FSTL5: variants seen among roughly 807,000 people sequenced by gnomAD.
FSTL5 encodes the protein follistatin like 5.
FSTL5 carries 62 observed loss-of-function variants against 89.1 expected under a neutral mutation model. That is an observed-to-expected ratio of 0.70 (90% CI 0.57 to 0.86). The LOEUF is 0.86. Ranked by LOEUF, FSTL5 falls within the 40% of genes least tolerant of loss-of-function variation. The pLI is 0.00. For synonymous variants in FSTL5, 383 were observed against 346.2 expected, an observed-to-expected ratio of 1.11 and a Z score of -1.18; for missense variants, 1,057 against 1,001.6, an observed-to-expected ratio of 1.06 and a Z score of -0.75.
intron 7 of FSTL5, among the ~76,000 whole-genome samples, chr4:161,643,617 G>C (rs572093190): frequency 6.6e-6 from 1 of 151,992 alleles, no homozygotes; most frequent in Non-Finnish European, 1.5e-5. Context: ...ATTAAACAAC[G>C]ATCATGTATG....
chr4:161,474,334 G>C (rs1257080035), intron 13 of FSTL5, among the ~76,000 whole-genome samples: 1 of 151,978 alleles, frequency 6.6e-6, no homozygotes, highest in Non-Finnish European at 1.5e-5. Context: ...CTTAAATTAT[G>C]TAGAAAACAA....
chr4:161,779,671 C>A (rs1432328408), intron 4 of FSTL5, among the ~76,000 whole-genome samples: 1 of 149,668 alleles, frequency 6.7e-6, no homozygotes, highest in Non-Finnish European at 1.5e-5. Context: ...ATTTTCAGAA[C>A]TCAGTTTTTC....
At chr4:161,794,528 T>C (rs1729571794) in intron 4 of FSTL5, among the ~76,000 whole-genome samples, 1 of 152,176 alleles carries the variant, frequency 6.6e-6, no homozygotes, top group Non-Finnish European at 1.5e-5. Flanking sequence ...ATCAATGAAT[T>C]GCCTCACAGG....
chr4:161,400,123 A>G (rs1731135793), intron 15 of FSTL5, among the ~76,000 whole-genome samples: 1 of 152,078 alleles, frequency 6.6e-6, no homozygotes, highest in African/African-American at 2.4e-5. Context: ...ATTTTTTCAA[A>G]TTGTCCAAAT....
chr4:161,390,918 G>C (rs913735161), intron 15 of FSTL5, among the ~76,000 whole-genome samples: 2 of 152,050 alleles, frequency 1.3e-5, no homozygotes, highest in Non-Finnish European at 2.9e-5. Context: ...GCTGGGAAAG[G>C]ACCAAATGCT....
At chr4:161,851,427 C>T (rs1449116172) in intron 4 of FSTL5, among the ~76,000 whole-genome samples, 1 of 152,094 alleles carries the variant, frequency 6.6e-6, no homozygotes, top group African/African-American at 2.4e-5. Flanking sequence ...ACGACACAAA[C>T]ACAGGTGCAC....
At chr4:161,606,589 T>C (rs951519857) in intron 7 of FSTL5, among the ~76,000 whole-genome samples, 4 of 152,176 alleles carry the variant, frequency 2.6e-5, no homozygotes, top group Admixed American at 2.6e-4. Flanking sequence ...ATTTTTTACC[T>C]TAAGCTGAGA....
intron 4 of FSTL5, among the ~76,000 whole-genome samples, chr4:161,777,951 G>A (rs919712323): frequency 6.6e-6 from 1 of 151,974 alleles, no homozygotes; most frequent in South Asian, 2.1e-4. Context: ...AAAATTGGCC[G>A]GGCACGATGG....
At chr4:161,754,208 T>C (rs979024737) in intron 6 of FSTL5, among the ~76,000 whole-genome samples, 1 of 152,100 alleles carries the variant, frequency 6.6e-6, no homozygotes, top group African/African-American at 2.4e-5. Flanking sequence ...TTAGTGTTAA[T>C]ATGATGTTCA....
intron 12 of FSTL5, among the ~76,000 whole-genome samples, chr4:161,487,961 C>T (rs1408563632): frequency 6.6e-6 from 1 of 151,920 alleles, no homozygotes; most frequent in Non-Finnish European, 1.5e-5. Context: ...AAATATTTAT[C>T]TCTATACACA....
intron 8 of FSTL5, among the ~76,000 whole-genome samples, chr4:161,553,806 G>A (rs930419450): frequency 1.3e-5 from 2 of 151,390 alleles, no homozygotes; most frequent in Non-Finnish European, 3.0e-5. Flanking sequence ...ATAAATTAGT[G>A]CATTTATAGT....
intron 3 of FSTL5, among the ~76,000 whole-genome samples, chr4:161,935,897 G>A (rs1412594458): frequency 1.3e-5 from 2 of 152,162 alleles, no homozygotes; most frequent in African/African-American, 4.8e-5. Context: ...AAAAACAAAA[G>A]CAGGCTAGGT....
intron 5 of FSTL5, among the ~76,000 whole-genome samples, chr4:161,774,415 G>A (rs1741322806): frequency 6.6e-6 from 1 of 152,134 alleles, no homozygotes; most frequent in Non-Finnish European, 1.5e-5. Context: ...CACACAGTTT[G>A]TGGTATTTTC....
chr4:161,472,269 A>G (rs1216980436), intron 13 of FSTL5, among the ~76,000 whole-genome samples: 2 of 151,950 alleles, frequency 1.3e-5, no homozygotes, highest in Non-Finnish European at 1.5e-5. Flanking sequence ...GAGCCACCGC[A>G]CCTGGCCATT....
chr4:161,386,319 C>T lies in FSTL5; in HGVS notation c.1972G>A (p.Gly658Arg), dbSNP rs1356826164. Residue 658 changes from glycine to arginine, a missense_variant, in exon 16 of 16, where the codon GGA becomes AGA. Gly to Arg is a moderately radical substitution (Grantham distance 125, BLOSUM62 -2). This residue lies in a region of FSTL5 where 980 missense variants were observed against 903.2 expected (regional missense o/e 1.08). Transcript: ENST00000306100. Reference sequence around the variant, plus strand: ...TTGCAGCCAATGAAGTAGTAGCCTCCCAAGTGTGTATATGCCAATGACTGA... The same window carrying T: ...TTGCAGCCAATGAAGTAGTAGCCTCTCAAGTGTGTATATGCCAATGACTGA... ...VPQSLAYTHLGGYYFIGCKPD... is the reference protein window; with the variant it reads ...VPQSLAYTHLRGYYFIGCKPD... The T allele has an allele frequency of 1.2e-6, 2 of 1,613,866 alleles. No individual in the cohort carries two copies. Among genetic ancestry groups the T allele is most frequent in the African/African-American group, 1.3e-5 (1 of 74,988 alleles).
At chr4:161,941,795 T>C (rs923063427) in intron 3 of FSTL5, among the ~76,000 whole-genome samples, 3 of 151,962 alleles carry the variant, frequency 2.0e-5, no homozygotes, top group African/African-American at 7.2e-5. Flanking sequence ...ATAGACCTAA[T>C]AGACATATAA....
At chr4:161,535,692 C>T (rs183718381) in intron 10 of FSTL5, among the ~76,000 whole-genome samples, 2,413 of 152,234 alleles carry the variant, frequency 0.016, 28 homozygotes, top group South Asian at 0.036. Flanking sequence ...TCTCAAAGAA[C>T]TTAAAACAGA....
At chr4:161,494,417 T>G (rs1374602908) in intron 12 of FSTL5, among the ~76,000 whole-genome samples, 2 of 152,132 alleles carry the variant, frequency 1.3e-5, no homozygotes, top group African/African-American at 4.8e-5. Context: ...GAAGTATAAG[T>G]GGACTAGAAA....
At chr4:161,520,152 T>C (rs919057567) in intron 10 of FSTL5, among the ~76,000 whole-genome samples, 2 of 152,006 alleles carry the variant, frequency 1.3e-5, no homozygotes, top group African/African-American at 4.8e-5. Flanking sequence ...ACTACTTAGA[T>C]ATTAATTAGC....
Sources: allele counts gnomAD v4.1 joint callset (sites outside exome capture counted in the v4.1 genomes callset), GRCh38; gene constraint gnomAD v4.1.1; regional missense constraint gnomAD v4.1.1; transcripts MANE v1.5; gene names NCBI Gene and HGNC (gene_info 2026-07-23, HGNC 2026-07-21).